The following CDH8 variants were observed in gnomAD, a reference collection of about 807,000 sequenced individuals.
CDH8 encodes the protein cadherin 8.
Under a neutral mutation model 68.1 loss-of-function variants are expected in CDH8, and 17 were observed. That is an observed-to-expected ratio of 0.25 (90% CI 0.17 to 0.37). The LOEUF is 0.37. Among genes scored for constraint, CDH8 ranks in the 10% least tolerant of loss-of-function variants. The pLI, the probability that CDH8 is intolerant of heterozygous loss-of-function variation, is 1.00. For synonymous variants in CDH8, 372 were observed against 365.1 expected, an observed-to-expected ratio of 1.02 and a Z score of -0.21; for missense variants, 763 against 999.3, an observed-to-expected ratio of 0.76 and a Z score of 3.19.
rs1267419866 is a variant in CDH8, at chr16:61,651,618, CCT to C, written c.*1988_*1989del. 1.3e-5 allele frequency: 2 copies of C among 152,154 alleles called. No individual in the cohort carries two copies. Among genetic ancestry groups the C allele is most frequent in the Non-Finnish European group, 2.9e-5 (2 of 68,084 alleles). The allele number at this position is 152,154 out of a possible 1,614,324, so 9.4% of individuals were successfully genotyped here. On this transcript the variant is annotated 3_prime_UTR_variant, in exon 12 of 12. Transcript: ENST00000577390. Reference sequence around the variant, plus strand: ...TGGATGTGTTTTCACTCTAGAACCCCCTGTCAGACTGGCAGAGATTTTGCCAG... The same window carrying C: ...TGGATGTGTTTTCACTCTAGAACCCCGTCAGACTGGCAGAGATTTTGCCAG...
chr16:61,946,837 C>T (rs1964810095), intron 2 of CDH8, among the ~76,000 whole-genome samples: 1 of 152,178 alleles, frequency 6.6e-6, no homozygotes, highest in Admixed American at 6.5e-5. Flanking sequence ...ATTTGGACTC[C>T]TAATAAATAA....
chr16:61,768,794 T>C (rs1159471805), intron 8 of CDH8, among the ~76,000 whole-genome samples: 4 of 151,768 alleles, frequency 2.6e-5, no homozygotes. Context: ...TCCATCAATG[T>C]TATATTCAAG....
At chr16:61,866,680 T>TA (rs1343250710) in intron 3 of CDH8, among the ~76,000 whole-genome samples, 2 of 152,070 alleles carry the variant, frequency 1.3e-5, no homozygotes, top group Non-Finnish European at 2.9e-5. Context: ...TTAACACCCT[T>TA]ACACAGGAAG....
intron 2 of CDH8, among the ~76,000 whole-genome samples, chr16:61,931,913 AT>A (rs1349944709): frequency 6.6e-6 from 1 of 152,186 alleles, no homozygotes; most frequent in Non-Finnish European, 1.5e-5. Context: ...ATAGAATATA[AT>A]GAAAAAGCAC....
chr16:61,665,037 A>G (rs933567982), intron 10 of CDH8, among the ~76,000 whole-genome samples: 2 of 152,004 alleles, frequency 1.3e-5, no homozygotes, highest in African/African-American at 4.8e-5. Flanking sequence ...TGAAGCTATA[A>G]CCCTCAGTTT....
chr16:62,007,573 C>A (rs1965998476), intron 2 of CDH8, among the ~76,000 whole-genome samples: 1 of 147,662 alleles, frequency 6.8e-6, no homozygotes, highest in Non-Finnish European at 1.5e-5. Flanking sequence ...GTGTTAGAAT[C>A]AAAATGCACA....
chr16:61,767,906 CAA>C (rs139163608), intron 8 of CDH8, among the ~76,000 whole-genome samples: 4,379 of 151,948 alleles, frequency 0.029, 200 homozygotes, highest in African/African-American at 0.1. Context: ...TTATTTGCTG[CAA>C]AGTCTTTAGA....
At chr16:61,910,615 C>G (rs1210662556) in intron 2 of CDH8, among the ~76,000 whole-genome samples, 1 of 151,992 alleles carries the variant, frequency 6.6e-6, no homozygotes, top group South Asian at 2.1e-4. Flanking sequence ...AGTACTTGTC[C>G]TTTAGAGTTC....
intron 3 of CDH8, among the ~76,000 whole-genome samples, chr16:61,873,806 A>G (rs1374736576): frequency 6.6e-6 from 1 of 152,212 alleles, no homozygotes; most frequent in Non-Finnish European, 1.5e-5. Context: ...CTGTAATCCC[A>G]GCACTTTGCG....
intron 2 of CDH8, among the ~76,000 whole-genome samples, chr16:61,960,426 C>T (rs1287706792): frequency 6.6e-6 from 1 of 150,660 alleles, no homozygotes; most frequent in Non-Finnish European, 1.5e-5. Context: ...TGTGTGTATA[C>T]ACATACATAT....
At chr16:61,783,628 A>T (rs1022347083) in intron 8 of CDH8, among the ~76,000 whole-genome samples, 5 of 150,186 alleles carry the variant, frequency 3.3e-5, no homozygotes, top group Non-Finnish European at 5.9e-5. Flanking sequence ...TCCAAGACAC[A>T]TAATTGTCAG....
chr16:61,949,220 T>C (rs934953487), intron 2 of CDH8, among the ~76,000 whole-genome samples: 3 of 152,094 alleles, frequency 2.0e-5, no homozygotes, highest in Non-Finnish European at 4.4e-5. Context: ...GTTGGGAGCG[T>C]AGAAGGCAGC....
At chr16:61,979,859 C>G (rs1276069287) in intron 2 of CDH8, among the ~76,000 whole-genome samples, 1 of 152,166 alleles carries the variant, frequency 6.6e-6, no homozygotes, top group Non-Finnish European at 1.5e-5. Context: ...TTGTCTGATT[C>G]CGCTTTCAAG....
chr16:61,992,070 G>GTGTGTGTGTC, intron 2 of CDH8, among the ~76,000 whole-genome samples: 1 of 136,182 alleles, frequency 7.3e-6, no homozygotes, highest in East Asian at 2.8e-4. Flanking sequence ...GTGTGTGTGT[G>GTGTGTGTGTC]TGTGTGTGAG....
chr16:61,921,397 G>C (rs546285403), intron 2 of CDH8, among the ~76,000 whole-genome samples: 2 of 151,794 alleles, frequency 1.3e-5, no homozygotes, highest in African/African-American at 4.8e-5. Flanking sequence ...TCTGACTTCT[G>C]TATTTAGCAG....
intron 10 of CDH8, among the ~76,000 whole-genome samples, chr16:61,671,834 G>C (rs1963802445): frequency 6.6e-6 from 1 of 151,668 alleles, no homozygotes; most frequent in Admixed American, 6.6e-5. Context: ...ACCCACATAT[G>C]AACAGGTTAA....
At chr16:61,953,294 T>G (rs1964925649) in intron 2 of CDH8, among the ~76,000 whole-genome samples, 1 of 152,182 alleles carries the variant, frequency 6.6e-6, no homozygotes, top group Non-Finnish European at 1.5e-5. Flanking sequence ...ATATTAAGAA[T>G]GTATAATTTT....
rs972968001 is a variant in CDH8 at position 61,768,590 on chromosome 16, G to C, written c.1414+20756C>G. 4.0e-5 allele frequency among the ~76,000 whole-genome samples: 6 copies of C among 151,610 alleles called. No homozygotes were observed. In the East Asian group the frequency reaches 1.2e-3, roughly 30 times the overall value. ...TCTCTTGAGAAGGCAACCTTATTTGGTGAGACCCTGAAAGTGTAAATTATA... is the reference window on the plus strand; with the variant it reads ...TCTCTTGAGAAGGCAACCTTATTTGCTGAGACCCTGAAAGTGTAAATTATA... On this transcript the variant is annotated intron_variant, in intron 8 of 11. Coordinates refer to ENST00000577390, the MANE Select transcript of CDH8 (RefSeq NM_001796.5).
At position 61,941,015 on chromosome 16, in the gene CDH8, C is replaced by A. The variant is rs76895818; in HGVS notation, c.253-39542G>T. Among the ~76,000 whole-genome samples, 107 of 152,328 alleles carry A rather than the reference C, an allele frequency of 7.0e-4. 1 individual carries two copies. In the East Asian group the frequency reaches 0.019, roughly 27 times the overall value. ...GGGAATTAGAAATGAGCATATTAAT[C>A]TTGTAGCATTTTGAATGCACATAGA... On this transcript the variant is annotated intron_variant, in intron 2 of 11. Coordinates refer to ENST00000577390, the MANE Select transcript of CDH8 (RefSeq NM_001796.5).
Sources: gnomAD v4.1 joint callset for allele counts (sites outside exome capture counted in the v4.1 genomes callset) on GRCh38, gnomAD v4.1.1 for gene constraint, MANE v1.5 for transcripts, NCBI Gene and HGNC (gene_info 2026-07-23, HGNC 2026-07-21) for gene names.